The following ZNF37A variants were observed in gnomAD, a reference collection of about 807,000 sequenced individuals.
ZNF37A encodes the protein zinc finger protein 37A, also known as zinc finger protein 37a (KOX 21).
A neutral mutation model predicts 12.3 loss-of-function variants in ZNF37A; 10 were observed. The ratio of observed to expected loss-of-function variants is 0.82; its 90% CI spans 0.50 to 1.38. The LOEUF is 1.38. ZNF37A is among the 40% of genes most tolerant of loss of function. The pLI, the probability that ZNF37A is intolerant of heterozygous loss-of-function variation, is 0.00. For synonymous variants in ZNF37A, 207 were observed against 223.0 expected (o/e 0.93, Z 0.64); for missense variants, 580 against 651.2 (o/e 0.89, Z 1.19).
intron 6 of ZNF37A, 69 bp downstream of exon 6, chr10:38,114,950 G>T (rs2069129184): frequency 6.6e-7 from 1 of 1,524,004 alleles, no homozygotes; most frequent in Non-Finnish European, 8.8e-7. Context: ...GAAACTTGTG[G>T]AACTTTTGTA....
intron 7 of ZNF37A, chr10:38,140,428 T>C (rs2070166609): frequency 6.6e-6 from 1 of 152,196 alleles, no homozygotes; most frequent in Admixed American, 6.5e-5. Context: ...GTGAGCTAGA[T>C]TCCTCACTGT....
rs1032691037 is a variant in ZNF37A at position 38,119,575 on chromosome 10, GAA to G, written c.*743_*744del. The stretch of plus-strand genomic sequence containing the variant: ...ATATCTAGCAATTTAAGAAAATGTG[GAA>G]AAAATATTTTTATTGAGAAATAGCA... On this transcript the variant is annotated 3_prime_UTR_variant, in exon 8 of 8. Coordinates refer to ENST00000685332, the MANE Select transcript of ZNF37A (RefSeq NM_001324250.3). 2 of 220,736 alleles carry G rather than the reference GAA, an allele frequency of 9.1e-6. No homozygotes were observed. The highest frequency in any genetic ancestry group is 3.3e-4 in the South Asian group (2 of 6,088). The allele number at this position is 220,736 out of a possible 1,614,324, so 13.7% of individuals were successfully genotyped here.
chr10:38,149,838 G>GT (rs1379673854), exon 8 of ZNF37A: 2 of 152,196 alleles, frequency 1.3e-5, no homozygotes, highest in African/African-American at 4.8e-5. Flanking sequence ...GTCTCCCAAA[G>GT]TGCTGGGATT....
intron 7 of ZNF37A, among the ~76,000 whole-genome samples, chr10:38,135,918 T>C (rs915340051): frequency 2.0e-5 from 3 of 152,156 alleles, no homozygotes; most frequent in Non-Finnish European, 4.4e-5. Context: ...AAGATGAGAT[T>C]TGGGTGGAGA....
chr10:38,130,570 C>T (rs1268739177), intron 7 of ZNF37A, among the ~76,000 whole-genome samples: 4 of 152,158 alleles, frequency 2.6e-5, no homozygotes, highest in Non-Finnish European at 4.4e-5. Context: ...AAGTGATTCT[C>T]CTGCCTCAGC....
intron 7 of ZNF37A, chr10:38,117,164 A>T: frequency 1.0e-6 from 1 of 984,826 alleles, no homozygotes; most frequent in Non-Finnish European, 1.2e-6. Context: ...AACCACACAG[A>T]ATTGGAGCCT....
intron 5 of ZNF37A, among the ~76,000 whole-genome samples, chr10:38,104,916 T>C (rs2067920492): frequency 6.6e-6 from 1 of 152,202 alleles, no homozygotes; most frequent in Non-Finnish European, 1.5e-5. Flanking sequence ...TCCATCTTTG[T>C]AACTTCTTTC....
exon 8 of ZNF37A, chr10:38,149,970 T>G (rs2505237): frequency 0.41 from 62,996 of 152,122 alleles, 13,244 homozygotes; most frequent in East Asian, 0.5. Flanking sequence ...ATTCTTTGCG[T>G]TATGTCCAGT....
chr10:38,099,654 C>G (rs1459738316), intron 5 of ZNF37A, among the ~76,000 whole-genome samples: 2 of 152,118 alleles, frequency 1.3e-5, no homozygotes, highest in African/African-American at 2.4e-5. Context: ...TGGCTGGAAT[C>G]TATGGTAATT....
At chr10:38,098,955 G>T (rs2067352750) in intron 5 of ZNF37A, among the ~76,000 whole-genome samples, 1 of 152,028 alleles carries the variant, frequency 6.6e-6, no homozygotes, top group Non-Finnish European at 1.5e-5. Context: ...ACTTGTAGTA[G>T]TTCCTTTGTG....
At chr10:38,115,496 G>GTT (rs138295167) in intron 7 of ZNF37A, 63,260 of 514,702 alleles carry the variant, frequency 0.12, 4,166 homozygotes, top group Non-Finnish European at 0.14. Flanking sequence ...ACATCTTGTT[G>GTT]TTTTTTTTAA....
At chr10:38,097,276 A>G (rs1411075488) in intron 5 of ZNF37A, among the ~76,000 whole-genome samples, 3 of 152,166 alleles carry the variant, frequency 2.0e-5, no homozygotes, top group Non-Finnish European at 4.4e-5. Flanking sequence ...AAGAGAAAGT[A>G]TGTGATTAAA....
In ZNF37A at chr10:38,122,899, A is replaced by C. The variant is rs1049047725; in HGVS notation, c.*4062A>C. 6.6e-6 allele frequency: 1 copy of C among 152,236 alleles called. No individual in the cohort carries two copies. Among genetic ancestry groups the C allele is most frequent in the Non-Finnish European group, 1.5e-5 (1 of 68,036 alleles). The allele number at this position is 152,236 out of a possible 1,614,324, so 9.4% of individuals were successfully genotyped here. On this transcript the variant is annotated 3_prime_UTR_variant, in exon 8 of 8. Coordinates refer to ENST00000685332, the MANE Select transcript of ZNF37A (RefSeq NM_001324250.3). Reference sequence around the variant, plus strand: ...GAAGAGACAACCCATAGAATGTGAGATAATATTTGCAAACTATCCATCTGT... The same window carrying C: ...GAAGAGACAACCCATAGAATGTGAGCTAATATTTGCAAACTATCCATCTGT...
intron 5 of ZNF37A, among the ~76,000 whole-genome samples, chr10:38,103,775 G>A (rs1194528982): frequency 1.3e-5 from 2 of 152,104 alleles, no homozygotes; most frequent in Non-Finnish European, 2.9e-5. Flanking sequence ...TGTTGTACAT[G>A]GTCACTGAAA....
intron 7 of ZNF37A, among the ~76,000 whole-genome samples, chr10:38,116,636 A>G (rs1481218479): frequency 6.6e-6 from 1 of 152,224 alleles, no homozygotes; most frequent in African/African-American, 2.4e-5. Context: ...TTGTTTAAAA[A>G]AAAAGTGTTT....
intron 5 of ZNF37A, among the ~76,000 whole-genome samples, chr10:38,112,763 T>TGTTGG (rs1564932137): frequency 1.6e-5 from 1 of 63,748 alleles, no homozygotes; most frequent in African/African-American, 5.7e-5. Context: ...TTCTTTTCTT[T>TGTTGG]TCTTTTCTTT....
chr10:38,146,170 G>A (rs1477202870), intron 7 of ZNF37A, among the ~76,000 whole-genome samples: 2 of 152,166 alleles, frequency 1.3e-5, no homozygotes, highest in African/African-American at 2.4e-5. Flanking sequence ...CTCTTATCTT[G>A]GCATAATTTG....
intron 5 of ZNF37A, among the ~76,000 whole-genome samples, chr10:38,106,588 A>G (rs1042128487): frequency 1.3e-5 from 2 of 152,180 alleles, no homozygotes; most frequent in African/African-American, 2.4e-5. Flanking sequence ...TATCCAATGC[A>G]GGGAAGCTAA....
chr10:38,119,437 A>G lies in ZNF37A; in HGVS notation c.*600A>G. Reference sequence around the variant, plus strand: ...TTATGGAGTATATGTAATAAGAAGTAGCTTCTCAGTGAACATCAGATAGTA... The same window carrying G: ...TTATGGAGTATATGTAATAAGAAGTGGCTTCTCAGTGAACATCAGATAGTA... On this transcript the variant is annotated 3_prime_UTR_variant, in exon 8 of 8. Transcript: ENST00000685332. The G allele has an allele frequency of 1.0e-6, 1 of 973,656 alleles. No homozygotes were observed. The highest frequency in any genetic ancestry group is 1.8e-5 in the African/African-American group (1 of 57,086). 60.3% of individuals were successfully genotyped at this position (973,656 alleles called of 1,614,324 possible). A position where few individuals can be genotyped will look rare whatever the true frequency, so the allele number is the denominator to read the frequency against.
Sources: gnomAD v4.1 joint callset for allele counts (sites outside exome capture counted in the v4.1 genomes callset) on GRCh38, gnomAD v4.1.1 for gene constraint, MANE v1.5 for transcripts, NCBI Gene and HGNC (gene_info 2026-07-23, HGNC 2026-07-21) for gene names.